Variants in MCTP1 observed in about 807,000 individuals in gnomAD.
The protein encoded by MCTP1 is multiple C2 and transmembrane domain-containing protein 1.
A neutral mutation model predicts 120.6 loss-of-function variants in MCTP1; 69 were observed. The ratio of observed to expected loss-of-function variants is 0.57; its 90% CI spans 0.47 to 0.70. The LOEUF (loss-of-function observed/expected upper bound fraction) is 0.70. MCTP1 is among the 30% of genes least tolerant of loss of function. The probability of loss-of-function intolerance (pLI) is 0.00; values close to 1 mark genes in which losing one functional copy is unlikely to be tolerated. For synonymous variants in MCTP1, 529 were observed against 493.1 expected (o/e 1.07, Z -0.96); for missense variants, 1,203 against 1,248.8 (o/e 0.96, Z 0.55).
chr5:94,850,222 C>T (rs776039087), intron 17 of MCTP1, among the ~76,000 whole-genome samples: 7 of 152,140 alleles, frequency 4.6e-5, no homozygotes, highest in Non-Finnish European at 1.0e-4. Context: ...AACCGTTCTG[C>T]GGTCTCCCAC....
intron 1 of MCTP1, among the ~76,000 whole-genome samples, chr5:95,118,365 T>G (rs1757973668): frequency 6.6e-6 from 1 of 151,616 alleles, no homozygotes; most frequent in Non-Finnish European, 1.5e-5. Flanking sequence ...TATGGTAACC[T>G]CAAATCAAAA....
At chr5:95,212,288 A>C (rs1343353986) in intron 1 of MCTP1, among the ~76,000 whole-genome samples, 1 of 152,222 alleles carries the variant, frequency 6.6e-6, no homozygotes, top group Non-Finnish European at 1.5e-5. Context: ...TCCTCCACAC[A>C]TACCCTCTCC....
intron 5 of MCTP1, among the ~76,000 whole-genome samples, chr5:94,932,761 T>C (rs32909): frequency 0.28 from 43,019 of 151,824 alleles, 6,913 homozygotes; most frequent in South Asian, 0.44. Flanking sequence ...CTCTCTTTGC[T>C]TTACTATTAT....
intron 2 of MCTP1, among the ~76,000 whole-genome samples, chr5:94,959,736 A>G (rs959055164): frequency 2.0e-5 from 3 of 152,240 alleles, no homozygotes; most frequent in Non-Finnish European, 4.4e-5. Context: ...GTCTTCAAAG[A>G]GAACTACAAA....
intron 1 of MCTP1, among the ~76,000 whole-genome samples, chr5:95,090,675 A>T (rs1373794058): frequency 6.6e-6 from 1 of 152,208 alleles, no homozygotes; most frequent in Non-Finnish European, 1.5e-5. Context: ...TAAAATACTT[A>T]GTTTAAAAAA....
intron 1 of MCTP1, among the ~76,000 whole-genome samples, chr5:95,201,792 A>T (rs1751090434): frequency 6.6e-6 from 1 of 152,154 alleles, no homozygotes. Flanking sequence ...GGCGTGAGCC[A>T]CTGCACCTGG....
At chr5:95,011,665 C>T (rs1300709703) in intron 2 of MCTP1, among the ~76,000 whole-genome samples, 2 of 152,114 alleles carry the variant, frequency 1.3e-5, no homozygotes, top group East Asian at 3.9e-4. Context: ...TCCCCTTCTG[C>T]CATGGTTGTA....
In MCTP1 at chr5:95,207,093, G is replaced by A. The variant is rs546650150; in HGVS notation, c.720+76763C>T. On this transcript the variant is annotated intron_variant, in intron 1 of 22. Transcript: ENST00000515393. ...CCTAACACACTTAAGGGTGTGTCAG[G>A]AAAAAATGTTTTGTGAACATGACCA... 2.0e-5 allele frequency among the ~76,000 whole-genome samples: 3 copies of A among 152,088 alleles called. No individual in the cohort carries two copies. In the South Asian group the frequency reaches 6.2e-4, roughly 32 times the overall value.
chr5:94,984,118 G>A (rs1276195903), intron 2 of MCTP1, among the ~76,000 whole-genome samples: 1 of 152,112 alleles, frequency 6.6e-6, no homozygotes, highest in African/African-American at 2.4e-5. Context: ...CTTCTATGAA[G>A]CAATCTTCTA....
At chr5:94,891,881 C>T (rs1029049486) in intron 11 of MCTP1, among the ~76,000 whole-genome samples, 2 of 152,082 alleles carry the variant, frequency 1.3e-5, no homozygotes, top group African/African-American at 2.4e-5. Flanking sequence ...CCTAAAAACC[C>T]GGATGGCTTC....
intron 2 of MCTP1, among the ~76,000 whole-genome samples, chr5:95,014,965 C>T (rs1836798078): frequency 6.6e-6 from 1 of 152,124 alleles, no homozygotes; most frequent in African/African-American, 2.4e-5. Flanking sequence ...AACATCGAGG[C>T]AAGACCCTCC....
intron 17 of MCTP1, among the ~76,000 whole-genome samples, chr5:94,864,492 AT>A (rs1159878975): frequency 6.6e-6 from 1 of 151,862 alleles, no homozygotes; most frequent in Non-Finnish European, 1.5e-5. Context: ...ATTTTCATTA[AT>A]TTTGCGACAT....
At chr5:94,877,553 CAT>C (rs1799177012) in intron 12 of MCTP1, 1 of 152,078 alleles carries the variant, frequency 6.6e-6, no homozygotes, top group South Asian at 2.1e-4. Flanking sequence ...ATAAAACAAA[CAT>C]CAGAATTGTC....
intron 19 of MCTP1, among the ~76,000 whole-genome samples, chr5:94,734,403 T>C (rs1397124743): frequency 1.3e-5 from 2 of 152,238 alleles, no homozygotes; most frequent in Non-Finnish European, 1.5e-5. Flanking sequence ...TTAGGGTATA[T>C]CTTTCTAGTA....
intron 18 of MCTP1, among the ~76,000 whole-genome samples, chr5:94,785,465 C>T (rs1235906307): frequency 6.6e-6 from 1 of 151,944 alleles, no homozygotes; most frequent in Non-Finnish European, 1.5e-5. Context: ...TTTTATGAAA[C>T]TATATTATTT....
intron 1 of MCTP1, among the ~76,000 whole-genome samples, chr5:95,188,710 A>C (rs1385888947): frequency 6.6e-6 from 1 of 152,152 alleles, no homozygotes; most frequent in Non-Finnish European, 1.5e-5. Flanking sequence ...TGGTTATTAA[A>C]GGGCAATGCG....
chr5:94,729,040 G>A (rs60877235), intron 19 of MCTP1, among the ~76,000 whole-genome samples: 2,484 of 152,266 alleles, frequency 0.016, 73 homozygotes, highest in African/African-American at 0.056. Context: ...AGTAAAAAGC[G>A]CAATGAAGAG....
At chr5:95,093,262 G>C (rs1392302744) in intron 1 of MCTP1, among the ~76,000 whole-genome samples, 1 of 152,122 alleles carries the variant, frequency 6.6e-6, no homozygotes, top group Admixed American at 6.5e-5. Flanking sequence ...ACCAAGAGCT[G>C]AAAAAAGACA....
intron 19 of MCTP1, among the ~76,000 whole-genome samples, chr5:94,715,366 A>C (rs1758761161): frequency 2.4e-5 from 1 of 42,236 alleles, no homozygotes; most frequent in Non-Finnish European, 5.5e-5. Flanking sequence ...AAAACTACAA[A>C]AAAAAAAAAA....
Sources: allele counts gnomAD v4.1 joint callset (sites outside exome capture counted in the v4.1 genomes callset), GRCh38; gene constraint gnomAD v4.1.1; transcripts MANE v1.5; gene names NCBI Gene and HGNC (gene_info 2026-07-23, HGNC 2026-07-21).